The following DGKB variants were observed in gnomAD, a reference collection of about 807,000 sequenced individuals.
DGKB encodes 90 kDa diacylglycerol kinase.
A neutral mutation model predicts 114.3 loss-of-function variants in DGKB; 67 were observed. The observed-to-expected ratio is 0.59, with a 90% CI of 0.48 to 0.72. DGKB has a LOEUF of 0.72. Among genes scored for constraint, DGKB ranks in the 30% least tolerant of loss-of-function variants. DGKB has a pLI of 0.00. For missense variants in DGKB, 907 were observed against 975.2 expected, an observed-to-expected ratio of 0.93 and a Z score of 0.93; for synonymous variants, 398 against 323.1, an observed-to-expected ratio of 1.23 and a Z score of -2.49.
intron 23 of DGKB, among the ~76,000 whole-genome samples, chr7:14,237,180 AT>A (rs1459526250): frequency 3.9e-5 from 6 of 152,024 alleles, no homozygotes; most frequent in Non-Finnish European, 8.8e-5. Context: ...TTTGTTTAAA[AT>A]ATATACACCC....
At chr7:14,219,390 A>C (rs1180149658) in intron 23 of DGKB, among the ~76,000 whole-genome samples, 2 of 151,900 alleles carry the variant, frequency 1.3e-5, no homozygotes, top group Non-Finnish European at 2.9e-5. Flanking sequence ...TGTGACCAAC[A>C]GGGTATAAGG....
At chr7:14,419,249 G>A (rs1394567226) in intron 21 of DGKB, among the ~76,000 whole-genome samples, 1 of 151,928 alleles carries the variant, frequency 6.6e-6, no homozygotes, top group East Asian at 1.9e-4. Context: ...AAGTAATTGA[G>A]TGAATTCAAC....
chr7:14,932,774 G>C (rs926901870), intron 1 of DGKB, among the ~76,000 whole-genome samples: 11 of 152,192 alleles, frequency 7.2e-5, no homozygotes, highest in Admixed American at 1.3e-4. Flanking sequence ...AGGGTCACCA[G>C]AAACTAGGAG....
At chr7:14,705,017 C>T (rs1216226499) in intron 6 of DGKB, among the ~76,000 whole-genome samples, 2 of 150,604 alleles carry the variant, frequency 1.3e-5, no homozygotes, top group Non-Finnish European at 3.0e-5. Flanking sequence ...GATCAAATTA[C>T]TCTGAGCTAC....
intron 1 of DGKB, among the ~76,000 whole-genome samples, chr7:14,849,473 C>A (rs2128155776): frequency 6.6e-6 from 1 of 152,260 alleles, no homozygotes; most frequent in South Asian, 2.1e-4. Context: ...CTTCCATCTT[C>A]CACCATGTGA....
chr7:14,775,835 A>C (rs1269534898), intron 2 of DGKB, among the ~76,000 whole-genome samples: 1 of 151,984 alleles, frequency 6.6e-6, no homozygotes, highest in Non-Finnish European at 1.5e-5. Context: ...TAAAACAGTA[A>C]ATTGGTCATG....
rs1781678531 is a variant in DGKB, at chr7:14,148,130, TTTGA to T, written c.*997_*1000del. On this transcript the variant is annotated 3_prime_UTR_variant, in exon 26 of 26. Transcript: ENST00000402815. ...AAAAGCAAGAAATCATCTATTGAGCTTTGATTGTGTTGTCTGGCTTATTGTCTGT... is the reference window on the plus strand; with the variant it reads ...AAAAGCAAGAAATCATCTATTGAGCTTTGTGTTGTCTGGCTTATTGTCTGT... 2.0e-5 allele frequency: 3 copies of T among 152,492 alleles called. No homozygotes were observed. Among genetic ancestry groups the T allele is most frequent in the African/African-American group, 7.2e-5 (3 of 41,450 alleles). 9.4% of individuals were successfully genotyped at this position (152,492 alleles called of 1,614,324 possible).
intron 13 of DGKB, among the ~76,000 whole-genome samples, chr7:14,644,115 G>GTA (rs1812423601): frequency 6.6e-5 from 8 of 121,060 alleles, no homozygotes; most frequent in African/African-American, 2.8e-4. Flanking sequence ...TTGATTACAG[G>GTA]CAAAAAAAAA....
chr7:14,817,164 C>A (rs1383492071), intron 2 of DGKB, among the ~76,000 whole-genome samples: 1 of 152,158 alleles, frequency 6.6e-6, no homozygotes, highest in Non-Finnish European at 1.5e-5. Flanking sequence ...GGGATCTTGA[C>A]TTTCACTTCT....
rs143980971 is a variant in DGKB at position 14,298,576 on chromosome 7, T to A, written c.2122+39939A>T. 7.2e-5 allele frequency among the ~76,000 whole-genome samples: 11 copies of A among 152,082 alleles called. No homozygotes were observed. In the East Asian group the frequency reaches 1.9e-3, roughly 27 times the overall value. ...TAACTCAAGATGGATTAAAGCATTA[T>A]ATGTAAGACCTAAAGCCATAAAACC... On this transcript the variant is annotated intron_variant, in intron 23 of 25. Coordinates refer to ENST00000402815, the MANE Select transcript of DGKB (RefSeq NM_001350709.2).
chr7:14,594,531 A>G (rs935023925), intron 17 of DGKB, among the ~76,000 whole-genome samples: 1 of 152,088 alleles, frequency 6.6e-6, no homozygotes, highest in African/African-American at 2.4e-5. Flanking sequence ...AAATGGAATA[A>G]TTCATTCTTA....
At chr7:14,356,021 C>G (rs1228096390) in intron 21 of DGKB, among the ~76,000 whole-genome samples, 6 of 152,052 alleles carry the variant, frequency 3.9e-5, no homozygotes, top group Non-Finnish European at 8.8e-5. Flanking sequence ...TGCATGTGTC[C>G]AGGAATTTAT....
At chr7:14,779,690 A>G (rs1838777921) in intron 2 of DGKB, among the ~76,000 whole-genome samples, 1 of 152,206 alleles carries the variant, frequency 6.6e-6, no homozygotes, top group African/African-American at 2.4e-5. Flanking sequence ...GTTTCTTGTC[A>G]CAATATCTAT....
At chr7:14,772,077 T>C (rs1837507466) in intron 2 of DGKB, among the ~76,000 whole-genome samples, 1 of 152,120 alleles carries the variant, frequency 6.6e-6, no homozygotes, top group South Asian at 2.1e-4. Context: ...GTCCCGCCTT[T>C]CTGAACCAAA....
chr7:14,180,634 C>T (rs1340647639), intron 23 of DGKB, among the ~76,000 whole-genome samples: 1 of 152,128 alleles, frequency 6.6e-6, no homozygotes, highest in African/African-American at 2.4e-5. Context: ...CAAAATGAAA[C>T]TCTAAATTTG....
chr7:14,581,277 T>C (rs1799895755), intron 18 of DGKB, among the ~76,000 whole-genome samples: 1 of 152,228 alleles, frequency 6.6e-6, no homozygotes, highest in Non-Finnish European at 1.5e-5. Flanking sequence ...TATTATTATA[T>C]ACAGCATAAG....
At chr7:14,565,097 T>G (rs766654861) in intron 20 of DGKB, among the ~76,000 whole-genome samples, 3 of 152,116 alleles carry the variant, frequency 2.0e-5, no homozygotes, top group Non-Finnish European at 4.4e-5. Flanking sequence ...TATGTGATAT[T>G]CTTTGGCTAA....
chr7:14,943,874 G>T (rs1045843738), intron 1 of DGKB, among the ~76,000 whole-genome samples: 1 of 151,382 alleles, frequency 6.6e-6, no homozygotes, highest in Non-Finnish European at 1.5e-5. Context: ...TCCTTACCTG[G>T]TCCCCACAAC....
chr7:14,500,987 G>A (rs1239784326), intron 20 of DGKB, among the ~76,000 whole-genome samples: 1 of 151,890 alleles, frequency 6.6e-6, no homozygotes, highest in East Asian at 1.9e-4. Context: ...AAGAATAAAG[G>A]AATTTAAAGT....
Sources: gnomAD v4.1 joint callset for allele counts (sites outside exome capture counted in the v4.1 genomes callset) on GRCh38, gnomAD v4.1.1 for gene constraint, MANE v1.5 for transcripts, NCBI Gene and HGNC (gene_info 2026-07-23, HGNC 2026-07-21) for gene names.